SLC17A5: variants seen among roughly 807,000 people sequenced by gnomAD.
SLC17A5 encodes solute carrier family 17 member 5.
Under a neutral mutation model 59.4 loss-of-function variants are expected in SLC17A5, and 47 were observed. The observed-to-expected ratio is 0.79, with a 90% confidence interval of 0.63 to 1.01. The LOEUF (loss-of-function observed/expected upper bound fraction) is 1.01, where lower values mean the gene tolerates loss of function less well. Among genes scored for constraint, SLC17A5 ranks in the 50% least tolerant of loss-of-function variants. SLC17A5 has a pLI of 0.00. For missense variants in SLC17A5, 522 were observed against 595.5 expected (o/e 0.88, Z 1.28); for synonymous variants, 202 against 210.7 (o/e 0.96, Z 0.36).
chr6:73,631,885 CA>C (rs10717606), intron 6 of SLC17A5, among the ~76,000 whole-genome samples: 23,651 of 149,290 alleles, frequency 0.16, 3,054 homozygotes, highest in African/African-American at 0.33. Context: ...AGTAAAGTTT[CA>C]AAAAAAAATG....
rs3757111 is a variant in SLC17A5, at chr6:73,638,605, C to A, written c.526-106G>T. 193,115 of 867,028 alleles carry A rather than the reference C, an allele frequency of 0.22. 23,258 individuals are homozygous for A. The highest frequency in any genetic ancestry group is 0.25 in the Non-Finnish European group (133,942 of 526,260). The allele number at this position is 867,028 out of a possible 1,614,324, so 53.7% of individuals were successfully genotyped here. A position where few individuals can be genotyped will look rare whatever the true frequency, so the allele number is the denominator to read the frequency against. ...ACAAAAGCATTTTCTGGATAAGAAT[C>A]AAACGAATCAGGTTCCATGAAATGA... On this transcript the variant is annotated intron_variant, in intron 3 of 10. Coordinates refer to ENST00000355773, the MANE Select transcript of SLC17A5 (RefSeq NM_012434.5).
At chr6:73,643,736 T>C (rs4706545) in intron 2 of SLC17A5, among the ~76,000 whole-genome samples, 8,480 of 152,062 alleles carry the variant, frequency 0.056, 421 homozygotes, top group Admixed American at 0.16. Context: ...CTCAGCCTCC[T>C]AAAGTGCTGG....
chr6:73,608,515 G>A (rs956396592), intron 9 of SLC17A5, among the ~76,000 whole-genome samples: 9 of 152,190 alleles, frequency 5.9e-5, no homozygotes, highest in Non-Finnish European at 1.0e-4. Context: ...TTAGTAGGCA[G>A]CTGGATATCA....
intron 6 of SLC17A5, among the ~76,000 whole-genome samples, chr6:73,622,861 AC>A (rs1170561365): frequency 1.3e-5 from 2 of 151,864 alleles, no homozygotes; most frequent in African/African-American, 4.8e-5. Context: ...TTCCATTTTT[AC>A]TCATTTTTAT....
intron 4 of SLC17A5, among the ~76,000 whole-genome samples, chr6:73,637,078 CAAA>C (rs201154792): frequency 1.2e-4 from 9 of 78,028 alleles, no homozygotes; most frequent in Admixed American, 2.3e-4. Context: ...GACCCTGGCT[CAAA>C]AAAAAAAAAA....
At chr6:73,645,007 C>G (rs1769474577) in intron 1 of SLC17A5, among the ~76,000 whole-genome samples, 1 of 152,160 alleles carries the variant, frequency 6.6e-6, no homozygotes, top group African/African-American at 2.4e-5. Context: ...GTAGTTTTAT[C>G]ACCTTTGCTG....
chr6:73,596,866 A>AAAAAAAAC (rs1447662415), intron 10 of SLC17A5, among the ~76,000 whole-genome samples: 1 of 148,874 alleles, frequency 6.7e-6, no homozygotes, highest in African/African-American at 2.5e-5. Context: ...CAAAAACAAA[A>AAAAAAAAC]CAAAACAAAA....
chr6:73,607,775 ATTT>A (rs10716332), intron 9 of SLC17A5, among the ~76,000 whole-genome samples: 8 of 130,434 alleles, frequency 6.1e-5, no homozygotes, highest in Non-Finnish European at 4.8e-5. Context: ...GTTCCTTATA[ATTT>A]TTTTTTTTTT....
intron 6 of SLC17A5, among the ~76,000 whole-genome samples, chr6:73,627,784 A>T (rs541124112): frequency 2.6e-5 from 4 of 151,972 alleles, no homozygotes; most frequent in African/African-American, 9.6e-5. Flanking sequence ...ACCTGCTACC[A>T]CACCCGGCTA....
intron 9 of SLC17A5, among the ~76,000 whole-genome samples, chr6:73,602,647 C>T (rs1324799121): frequency 1.3e-5 from 2 of 151,920 alleles, no homozygotes; most frequent in African/African-American, 4.8e-5. Context: ...TGATGGCAGG[C>T]GCCTCTAGTC....
In SLC17A5 at chr6:73,595,064, T is replaced by C. The variant is rs2150071006; in HGVS notation, c.*13A>G. ...AAATACATTAATAGAGGCAGGATTA[T>C]TTATTGGTTCCTTCAGTGTCTGTGT... On this transcript the variant is annotated 3_prime_UTR_variant, in exon 11 of 11. Transcript: ENST00000355773. The C allele has an allele frequency of 1.9e-6, 3 of 1,614,032 alleles. No individual in the cohort carries two copies. The highest frequency in any genetic ancestry group is 2.5e-6 in the Non-Finnish European group (3 of 1,179,918).
At chr6:73,645,594 C>T (rs1421758228) in intron 1 of SLC17A5, 2 of 541,946 alleles carry the variant, frequency 3.7e-6, no homozygotes. Flanking sequence ...CGAGACCATC[C>T]TGGCTAACTC....
At chr6:73,651,596 G>C (rs549592813) in intron 1 of SLC17A5, among the ~76,000 whole-genome samples, 1 of 151,370 alleles carries the variant, frequency 6.6e-6, no homozygotes, top group South Asian at 2.1e-4. Context: ...AGGCTGGAGT[G>C]CAGGGGCGTG....
chr6:73,650,507 CAAAAAAAAAAAA>C (rs999445559), intron 1 of SLC17A5, among the ~76,000 whole-genome samples: 7 of 35,548 alleles, frequency 2.0e-4, no homozygotes, highest in African/African-American at 2.5e-4. Flanking sequence ...GACTCCGTCT[CAAAAAAAAAAAA>C]AAAAAAAAAA....
At position 73,653,914 on chromosome 6, in the gene SLC17A5, C is replaced by T. The variant is rs1306392942; in HGVS notation, c.-28G>A. 5 of 1,574,928 alleles carry T rather than the reference C, an allele frequency of 3.2e-6. No homozygotes were observed. The highest frequency in any genetic ancestry group is 1.1e-5 in the South Asian group (1 of 86,996). Reference sequence around the variant, plus strand: ...CGCCTACGTGAGCAGGTGTACTCGCCACCTGGCAGAGAAGGGAGCGCCGGC... The same window carrying T: ...CGCCTACGTGAGCAGGTGTACTCGCTACCTGGCAGAGAAGGGAGCGCCGGC... On this transcript the variant is annotated 5_prime_UTR_variant, in exon 1 of 11. Transcript: ENST00000355773.
intron 10 of SLC17A5, among the ~76,000 whole-genome samples, chr6:73,598,980 G>A (rs1766941185): frequency 6.7e-6 from 1 of 149,562 alleles, no homozygotes; most frequent in African/African-American, 2.5e-5. Context: ...GCGAAACTCC[G>A]TCTCAAAAAA....
chr6:73,611,101 G>T (rs1162223699), intron 8 of SLC17A5, among the ~76,000 whole-genome samples: 1 of 152,024 alleles, frequency 6.6e-6, no homozygotes, highest in Non-Finnish European at 1.5e-5. Context: ...AACAAAATTC[G>T]CCAGGCATGG....
In SLC17A5 at chr6:73,636,671, G is replaced by C. The variant is rs1400137206; in HGVS notation, c.650C>G (p.Ser217Cys). 1.2e-6 allele frequency: 2 copies of C among 1,611,928 alleles called. No homozygotes were observed. The highest frequency in any genetic ancestry group is 1.7e-6 in the Non-Finnish European group (2 of 1,178,000). The change falls in exon 5 of 11, where the codon TCT becomes TGT. Residue 217 changes from serine to cysteine, a missense_variant. Transcript: ENST00000355773. ...ATTCATATAGTAGCAAATTATTCCA[G>C]AAAGAGGAAGAGAAATTACTGTCCC... ...QLGTVISLPLSGIICYYMNWT... is the reference protein window; with the variant it reads ...QLGTVISLPLCGIICYYMNWT...
At chr6:73,647,556 GTTATC>G (rs775668226) in intron 1 of SLC17A5, among the ~76,000 whole-genome samples, 3 of 152,100 alleles carry the variant, frequency 2.0e-5, no homozygotes, top group Non-Finnish European at 4.4e-5. Flanking sequence ...CTTATTTGCA[GTTATC>G]TTATTTTACT....
Sources: gnomAD v4.1 joint callset for allele counts (sites outside exome capture counted in the v4.1 genomes callset) on GRCh38, gnomAD v4.1.1 for gene constraint, MANE v1.5 for transcripts, NCBI Gene and HGNC (gene_info 2026-07-23, HGNC 2026-07-21) for gene names.